Variants in ZBTB7C observed in about 807,000 individuals in gnomAD.
The protein encoded by ZBTB7C is zinc finger and BTB domain-containing protein 7C.
Under a neutral mutation model 25.7 loss-of-function variants are expected in ZBTB7C, and 8 were observed. The observed-to-expected ratio is 0.31, with a 90% CI of 0.18 to 0.56. ZBTB7C has a LOEUF of 0.56. Ranked by LOEUF, ZBTB7C falls within the 20% of genes least tolerant of loss-of-function variation. The pLI is 0.91. For synonymous variants in ZBTB7C, 394 were observed against 369.0 expected, an observed-to-expected ratio of 1.07 and a Z score of -0.78; for missense variants, 824 against 855.2, an observed-to-expected ratio of 0.96 and a Z score of 0.46.
intron 1 of ZBTB7C, among the ~76,000 whole-genome samples, chr18:48,362,956 G>C (rs567336292): frequency 6.6e-6 from 1 of 152,190 alleles, no homozygotes; most frequent in African/African-American, 2.4e-5. Context: ...AACATGACAC[G>C]CACACAGCAA....
chr18:48,243,987 A>G (rs555763893), intron 2 of ZBTB7C, among the ~76,000 whole-genome samples: 1 of 152,244 alleles, frequency 6.6e-6, no homozygotes, highest in Admixed American at 6.5e-5. Flanking sequence ...GAAGAATGAA[A>G]CTGGATCCTC....
At position 48,040,185 on chromosome 18, in the gene ZBTB7C, T is replaced by G; in HGVS notation, c.923A>C (p.Asp308Ala). 6.4e-7 allele frequency: 1 copy of G among 1,573,748 alleles called. No homozygotes were observed. The highest frequency in any genetic ancestry group is 8.6e-7 in the Non-Finnish European group (1 of 1,161,102). Residue 308 changes from aspartate to alanine, a missense_variant, in exon 4 of 5, where the codon GAC (aspartate) becomes GCC (alanine). By Grantham distance (126) the Asp-to-Ala change is moderately radical. This residue lies in a region of ZBTB7C where 316 missense variants were observed against 299.2 expected (regional missense o/e 1.06). Coordinates refer to ENST00000590800, the MANE Select transcript of ZBTB7C (RefSeq NM_001318841.2). ...PPPPPPPFPN[D>A]FFKDMFPDLP... ...GTCAGGGAACATGTCCTTGAAGAAG[T>G]CATTAGGGAAGGGTGGCGGTGGGGG...
chr18:48,253,567 T>C (rs1163247802), intron 2 of ZBTB7C, among the ~76,000 whole-genome samples: 1 of 152,098 alleles, frequency 6.6e-6, no homozygotes, highest in Non-Finnish European at 1.5e-5. Context: ...TCTTCCTGAG[T>C]AGAAGAGACA....
At chr18:48,161,128 T>TG (rs553027494) in intron 3 of ZBTB7C, among the ~76,000 whole-genome samples, 36 of 83,500 alleles carry the variant, frequency 4.3e-4, no homozygotes, top group African/African-American at 1.3e-3. Flanking sequence ...CTGGAGGAGG[T>TG]GGGGGGGACC....
intron 2 of ZBTB7C, among the ~76,000 whole-genome samples, chr18:48,310,332 CTGAG>C (rs1042491596): frequency 3.3e-5 from 5 of 151,730 alleles, no homozygotes; most frequent in African/African-American, 4.8e-5. Flanking sequence ...CTCGTCTCTC[CTGAG>C]TAAGTGAAAA....
At chr18:48,407,429 G>A (rs1353753108) in intron 1 of ZBTB7C, among the ~76,000 whole-genome samples, 3 of 152,202 alleles carry the variant, frequency 2.0e-5, no homozygotes, top group African/African-American at 4.8e-5. Context: ...CCAAGGGCAC[G>A]GGACGGGAAA....
intron 2 of ZBTB7C, among the ~76,000 whole-genome samples, chr18:48,241,571 G>C (rs976756856): frequency 6.6e-6 from 1 of 151,992 alleles, no homozygotes; most frequent in African/African-American, 2.4e-5. Context: ...ACTATACAAA[G>C]ACATGGAAAT....
rs149908965 is a variant in ZBTB7C, at chr18:48,225,987, C to T, written c.-78-39992G>A. Among the ~76,000 whole-genome samples the T allele has an allele frequency of 3.5e-3, 534 of 152,316 alleles. 3 individuals are homozygous for T. Among genetic ancestry groups the T allele is most frequent in the African/African-American group, 0.011 (475 of 41,576 alleles). On this transcript the variant is annotated intron_variant, in intron 2 of 4. Coordinates refer to ENST00000590800, the MANE Select transcript of ZBTB7C (RefSeq NM_001318841.2). The stretch of plus-strand genomic sequence containing the variant: ...CGATCGCTTGACCTCGCGATCCACC[C>T]GCTTTGGCGTCCCAAAGTGCTGGCA...
intron 2 of ZBTB7C, among the ~76,000 whole-genome samples, chr18:48,259,036 A>G (rs1331297841): frequency 6.6e-6 from 1 of 150,968 alleles, no homozygotes; most frequent in Non-Finnish European, 1.5e-5. Context: ...TGCAACCTCC[A>G]CCTCCCAGGT....
intron 3 of ZBTB7C, among the ~76,000 whole-genome samples, chr18:48,131,582 T>C (rs1294261101): frequency 6.6e-6 from 1 of 152,146 alleles, no homozygotes; most frequent in Non-Finnish European, 1.5e-5. Flanking sequence ...TTCAGTCCCA[T>C]AGGCATAAAA....
chr18:48,081,461 C>CT (rs916264096), intron 3 of ZBTB7C, among the ~76,000 whole-genome samples: 191 of 98,266 alleles, frequency 1.9e-3, no homozygotes, highest in African/African-American at 4.1e-3. Flanking sequence ...TTTTCTTTTT[C>CT]TTTTTTTTTT....
intron 2 of ZBTB7C, among the ~76,000 whole-genome samples, chr18:48,204,567 C>T (rs1244160406): frequency 6.6e-6 from 1 of 152,184 alleles, no homozygotes; most frequent in Non-Finnish European, 1.5e-5. Context: ...ACTCCTGAGA[C>T]ATTCCTTCCC....
At chr18:48,185,185 CT>C (rs748856855) in intron 3 of ZBTB7C, 26 of 332,988 alleles carry the variant, frequency 7.8e-5, no homozygotes, top group Non-Finnish European at 1.3e-4. Flanking sequence ...GCATCCACCC[CT>C]GTTCCTTCCT....
intron 3 of ZBTB7C, among the ~76,000 whole-genome samples, chr18:48,179,462 G>A (rs972059932): frequency 1.3e-5 from 2 of 152,126 alleles, no homozygotes; most frequent in Non-Finnish European, 2.9e-5. Context: ...ATTCCTGGGG[G>A]CTGGGTGGGC....
intron 2 of ZBTB7C, among the ~76,000 whole-genome samples, chr18:48,189,452 G>T (rs983366458): frequency 1.3e-5 from 2 of 152,146 alleles, no homozygotes; most frequent in African/African-American, 4.8e-5. Context: ...GGAGACAGGG[G>T]GAGACTGACA....
At chr18:48,303,999 C>G (rs147072483) in intron 2 of ZBTB7C, among the ~76,000 whole-genome samples, 168 of 152,274 alleles carry the variant, frequency 1.1e-3, no homozygotes, top group African/African-American at 4.0e-3. Flanking sequence ...GAGGTGGGAG[C>G]TACGACCACC....
intron 3 of ZBTB7C, among the ~76,000 whole-genome samples, chr18:48,111,948 A>G (rs1301965507): frequency 6.6e-6 from 1 of 152,172 alleles, no homozygotes; most frequent in Non-Finnish European, 1.5e-5. Context: ...AGTATGTAAA[A>G]TGGTTTGTTA....
At chr18:48,368,537 T>C (rs2047308741) in intron 1 of ZBTB7C, among the ~76,000 whole-genome samples, 5 of 152,096 alleles carry the variant, frequency 3.3e-5, no homozygotes, top group Admixed American at 2.6e-4. Flanking sequence ...AGGTGCTCAA[T>C]AGTAGAAAAC....
chr18:48,289,298 C>T (rs2045150594), intron 2 of ZBTB7C, among the ~76,000 whole-genome samples: 1 of 152,134 alleles, frequency 6.6e-6, no homozygotes, highest in African/African-American at 2.4e-5. Context: ...CTCCAGGAGA[C>T]AAGTTCAAAG....
Sources: gnomAD v4.1 joint callset for allele counts (sites outside exome capture counted in the v4.1 genomes callset) on GRCh38, gnomAD v4.1.1 for gene constraint, gnomAD v4.1.1 regional missense constraint, MANE v1.5 for transcripts, NCBI Gene and HGNC (gene_info 2026-07-23, HGNC 2026-07-21) for gene names.